The following PTGER4 variants were observed in gnomAD, a reference collection of about 807,000 sequenced individuals.
PTGER4 encodes the protein prostaglandin E2 receptor EP4 subtype.
In PTGER4, 11 loss-of-function variants were observed where a neutral mutation model predicts 33.2. The ratio of observed to expected loss-of-function variants is 0.33; its 90% CI spans 0.21 to 0.55. PTGER4 has a LOEUF of 0.55. PTGER4 is among the 20% of genes least tolerant of loss of function. The probability of loss-of-function intolerance (pLI) is 0.92; values close to 1 mark genes in which losing one functional copy is unlikely to be tolerated. For missense variants in PTGER4, 481 were observed against 650.2 expected, an observed-to-expected ratio of 0.74 and a Z score of 2.83; for synonymous variants, 275 against 281.5, an observed-to-expected ratio of 0.98 and a Z score of 0.23.
the PTGER4 span, among the ~76,000 whole-genome samples, chr5:40,699,689 TA>T: frequency 6.6e-6 from 1 of 152,276 alleles, no homozygotes. Flanking sequence ...GCAGTTGATT[TA>T]GTATCTGAAA....
rs374895362 is a variant in PTGER4 at position 40,680,752 on chromosome 5, C to A, written c.-43-199C>A. Among the ~76,000 whole-genome samples the A allele has an allele frequency of 6.6e-6, 1 of 152,122 alleles. No homozygotes were observed. The highest frequency in any genetic ancestry group is 1.5e-5 in the Non-Finnish European group (1 of 68,022). On this transcript the variant is annotated intron_variant, in intron 1 of 2. Coordinates refer to ENST00000302472, the MANE Select transcript of PTGER4 (RefSeq NM_000958.3). This position sits in a 1 kb window ranked among gnomAD's most constrained non-coding sequence, Gnocchi z 5.5. The stretch of plus-strand genomic sequence containing the variant: ...ATCAGTTTATAAATATTAATGTCAG[C>A]AAGAGTGTGCTGTTGGCAGGACGTA...
the PTGER4 span, among the ~76,000 whole-genome samples, chr5:40,726,143 T>TTA: frequency 2.8e-3 from 218 of 78,854 alleles, 1 homozygote; most frequent in Middle Eastern, 6.0e-3. Context: ...ATAAAGTCTT[T>TTA]TATATATATA....
downstream of PTGER4, among the ~76,000 whole-genome samples, chr5:40,697,252 AAGAAAG>A (rs1741629074): frequency 4.5e-5 from 4 of 88,770 alleles, no homozygotes; most frequent in African/African-American, 1.3e-4. Flanking sequence ...GAAAGAAAGA[AAGAAAG>A]AAAGAAAGAA....
At chr5:40,745,927 G>A in the PTGER4 span, among the ~76,000 whole-genome samples, 1 of 151,896 alleles carries the variant, frequency 6.6e-6, no homozygotes, top group Non-Finnish European at 1.5e-5. Flanking sequence ...ATACAGATTT[G>A]AAATTTTTTC....
chr5:40,742,890 AG>A, the PTGER4 span, among the ~76,000 whole-genome samples: 10 of 152,212 alleles, frequency 6.6e-5, no homozygotes, highest in African/African-American at 9.7e-5. Context: ...AATGGTAGCT[AG>A]CTTATAAAAA....
the PTGER4 span, among the ~76,000 whole-genome samples, chr5:40,726,779 C>T: frequency 6.6e-6 from 1 of 152,010 alleles, no homozygotes; most frequent in Admixed American, 6.6e-5. Context: ...TGTTCCATTA[C>T]CATAGACACT....
chr5:40,730,002 A>T, the PTGER4 span, among the ~76,000 whole-genome samples: 2 of 152,124 alleles, frequency 1.3e-5, no homozygotes, highest in African/African-American at 4.8e-5. Flanking sequence ...CCTGCCCACC[A>T]GTGACTTTAA....
the PTGER4 span, chr5:40,728,356 C>T: frequency 6.3e-7 from 1 of 1,599,292 alleles, no homozygotes; most frequent in Non-Finnish European, 8.5e-7. Flanking sequence ...AGGATTATCT[C>T]TCCTAAACCA....
the PTGER4 span, among the ~76,000 whole-genome samples, chr5:40,719,014 T>A: frequency 2.0e-5 from 3 of 152,198 alleles, no homozygotes; most frequent in African/African-American, 7.2e-5. Context: ...AATAAATACC[T>A]CTTCATGGCA....
At chr5:40,698,350 GAAGA>G (rs1741662481), downstream of PTGER4, among the ~76,000 whole-genome samples, 1 of 151,988 alleles carries the variant, frequency 6.6e-6, no homozygotes, top group South Asian at 2.1e-4. Context: ...TACTGAGAAT[GAAGA>G]AAGAAGTAGT....
intron 2 of PTGER4, among the ~76,000 whole-genome samples, chr5:40,690,461 A>G (rs1168386234): frequency 6.6e-6 from 1 of 152,252 alleles, no homozygotes; most frequent in Non-Finnish European, 1.5e-5. Context: ...AGATGTTGAC[A>G]TATCATTTCA....
At chr5:40,723,271 C>T in the PTGER4 span, among the ~76,000 whole-genome samples, 1 of 151,954 alleles carries the variant, frequency 6.6e-6, no homozygotes, top group South Asian at 2.1e-4. Flanking sequence ...TCCCTAATCT[C>T]AAGTACCCAG....
chr5:40,712,063 T>G, the PTGER4 span, among the ~76,000 whole-genome samples: 1 of 152,138 alleles, frequency 6.6e-6, no homozygotes, highest in Non-Finnish European at 1.5e-5. Flanking sequence ...ATTTTATTAT[T>G]TCTAAGTTAT....
chr5:40,737,836 C>T, the PTGER4 span, among the ~76,000 whole-genome samples: 4 of 152,132 alleles, frequency 2.6e-5, no homozygotes, highest in Non-Finnish European at 4.4e-5. Flanking sequence ...TGGAATCAGA[C>T]GGTATGTACT....
At chr5:40,736,105 G>A in the PTGER4 span, among the ~76,000 whole-genome samples, 1 of 152,164 alleles carries the variant, frequency 6.6e-6, no homozygotes, top group Non-Finnish European at 1.5e-5. Flanking sequence ...AAGGCACAAG[G>A]GGATGGGGTC....
chr5:40,680,561 A>T lies in PTGER4; in HGVS notation c.-44+83A>T. On this transcript the variant is annotated intron_variant, in intron 1 of 2. Transcript: ENST00000302472. The surrounding 1 kb of genome is among the most constrained non-coding windows in gnomAD (Gnocchi z 5.5). ...CCTCGCCGAAGAGAGCCAAGAAGGG[A>T]AGAGCGCGCTCTCCAAATTGCTTTT... 1.3e-5 allele frequency: 2 copies of T among 158,826 alleles called. No homozygotes were observed. The highest frequency in any genetic ancestry group is 1.7e-4 in the South Asian group (1 of 5,758). 9.8% of individuals were successfully genotyped at this position (158,826 alleles called of 1,614,324 possible). A position where few individuals can be genotyped will look rare whatever the true frequency, so the allele number is the denominator to read the frequency against.
At position 40,691,975 on chromosome 5, in the gene PTGER4, G is replaced by A. The variant is rs147606698; in HGVS notation, c.1064G>A (p.Arg355His). The A allele has an allele frequency of 3.2e-5, 51 of 1,613,918 alleles. No individual in the cohort carries two copies. The East Asian group carries it at 4.7e-4, about 15-fold the overall frequency. The stretch of plus-strand genomic sequence containing the variant: ...CTCTTCTGCCGCATTGGCGGGTCCC[G>A]CAGGGAGCGCTCCGGACAGCACTGC... ...KCLFCRIGGSRRERSGQHCSD... is the reference protein window; with the variant it reads ...KCLFCRIGGSHRERSGQHCSD... Residue 355 changes from arginine to histidine, a missense_variant, in exon 3 of 3, where the codon CGC becomes CAC. Physicochemically the swap from Arg to His is conservative, Grantham distance 29. Transcript: ENST00000302472. This position sits in a 1 kb window ranked among gnomAD's most constrained non-coding sequence, Gnocchi z 4.2.
Position 40,692,589 on chromosome 5 carries a change from A to G in PTGER4, c.*211A>G, listed in dbSNP as rs975694108. 2.2e-5 allele frequency: 29 copies of G among 1,328,460 alleles called. No individual in the cohort carries two copies. The African/African-American group carries it at 3.8e-4, about 18-fold the overall frequency. 82.3% of individuals were successfully genotyped at this position (1,328,460 alleles called of 1,614,324 possible). ...GCAGCACGTCGGATGCTACCCCACT[A>G]TGACAGAGGATTGTGGTCACAACTT... is the stretch of plus-strand genomic sequence containing the variant. On this transcript the variant is annotated 3_prime_UTR_variant, in exon 3 of 3. Coordinates refer to ENST00000302472, the MANE Select transcript of PTGER4 (RefSeq NM_000958.3).
the PTGER4 span, among the ~76,000 whole-genome samples, chr5:40,706,716 T>A: frequency 6.6e-6 from 1 of 151,800 alleles, no homozygotes; most frequent in South Asian, 2.1e-4. Flanking sequence ...TTAGACATCA[T>A]GAAAATTAAA....
Sources: allele counts gnomAD v4.1 joint callset (sites outside exome capture counted in the v4.1 genomes callset), GRCh38; gene constraint gnomAD v4.1.1; non-coding constraint Gnocchi (gnomAD v3.1); transcripts MANE v1.5; gene names NCBI Gene and HGNC (gene_info 2026-07-23, HGNC 2026-07-21).